Variants in ABAT observed in about 807,000 individuals in gnomAD.
The protein encoded by ABAT is 4-aminobutyrate aminotransferase.
A neutral mutation model predicts 64.6 loss-of-function variants in ABAT; 45 were observed. The ratio of observed to expected loss-of-function variants is 0.70; its 90% CI spans 0.55 to 0.89. The LOEUF is 0.89. Among genes scored for constraint, ABAT ranks in the 40% least tolerant of loss-of-function variants. The pLI is 0.00. For missense variants in ABAT, 633 were observed against 658.4 expected (o/e 0.96, Z 0.42); for synonymous variants, 297 against 250.5 (o/e 1.19, Z -1.75).
At chr16:8,754,004 C>T (rs1330643637) in intron 5 of ABAT, among the ~76,000 whole-genome samples, 2 of 151,966 alleles carry the variant, frequency 1.3e-5, no homozygotes, top group East Asian at 3.9e-4. Context: ...AAGATTGTTC[C>T]TACTGCATTC....
At position 8,735,780 on chromosome 16, in the gene ABAT, T is replaced by C. The variant is rs2058906734; in HGVS notation, c.41T>C (p.Phe14Ser). Residue 14 changes from phenylalanine (F) to serine (S), a missense_variant, in exon 2 of 16, where the codon TTC becomes TCC. Phe to Ser is a radical substitution (Grantham distance 155). Transcript: ENST00000268251. ...MLLAQRLACS[F>S]QHSYRLLVPG... The stretch of plus-strand genomic sequence containing the variant: ...CTCGCCCAGCGCCTGGCCTGCAGCT[T>C]CCAGCACAGCTACCGCCTGCTGGTG... The C allele has an allele frequency of 6.2e-7, 1 of 1,607,874 alleles. No homozygotes were observed. Among genetic ancestry groups the C allele is most frequent in the South Asian group, 1.1e-5 (1 of 89,526 alleles).
intron 1 of ABAT, among the ~76,000 whole-genome samples, chr16:8,680,451 A>C (rs191916788): frequency 5.3e-5 from 8 of 152,124 alleles, no homozygotes; most frequent in Admixed American, 1.3e-4. Flanking sequence ...GGGCAGGGGG[A>C]ATCTTGCTCT....
Position 8,776,520 on chromosome 16 carries a change from C to T in ABAT, c.1269+30C>T. 3 of 1,562,064 alleles carry T rather than the reference C, an allele frequency of 1.9e-6. No individual in the cohort carries two copies. Among genetic ancestry groups the T allele is most frequent in the Non-Finnish European group, 2.6e-6 (3 of 1,153,828 alleles). ...CACCCCCTCCCCTGCCCCGCCCCCA[C>T]CACCCATGGCTCCCCGCAGCAGCCT... is the stretch of plus-strand genomic sequence containing the variant. On this transcript the variant is annotated intron_variant, in intron 14 of 15. Transcript: ENST00000268251. This position sits in a 1 kb window ranked among gnomAD's most constrained non-coding sequence, Gnocchi z 4.4.
intron 1 of ABAT, among the ~76,000 whole-genome samples, chr16:8,676,656 G>C (rs1321205699): frequency 6.6e-6 from 1 of 152,206 alleles, no homozygotes; most frequent in Non-Finnish European, 1.5e-5. Context: ...TAGCTAATAA[G>C]ATCAGTTGCA....
intron 1 of ABAT, among the ~76,000 whole-genome samples, chr16:8,726,660 C>A (rs1338654061): frequency 2.0e-5 from 3 of 152,328 alleles, no homozygotes; most frequent in Middle Eastern, 3.4e-3. Flanking sequence ...CATAGGAGTG[C>A]AGATATCTCT....
Position 8,781,575 on chromosome 16 carries a change from G to T in ABAT, c.*145G>T. The T allele has an allele frequency of 1.5e-5, 11 of 716,620 alleles. No individual in the cohort carries two copies. The highest frequency in any genetic ancestry group is 1.8e-5 in the Non-Finnish European group (8 of 440,834). The allele number at this position is 716,620 out of a possible 1,614,324, so 44.4% of individuals were successfully genotyped here. ...TTGTGGGGAGGGAGCATTTTTGGTG[G>T]TCTTGGGGGAGGGGAGGGGAGGGAA... On this transcript the variant is annotated 3_prime_UTR_variant, in exon 16 of 16. Transcript: ENST00000268251. This position sits in a 1 kb window ranked among gnomAD's most constrained non-coding sequence, Gnocchi z 4.5.
intron 11 of ABAT, among the ~76,000 whole-genome samples, chr16:8,770,168 A>C (rs563972991): frequency 1.3e-5 from 2 of 152,248 alleles, no homozygotes; most frequent in Admixed American, 6.5e-5. Context: ...GATGGAGTCT[A>C]GCTCTGTTGC....
chr16:8,702,497 C>T (rs926118988), intron 1 of ABAT, among the ~76,000 whole-genome samples: 1 of 152,184 alleles, frequency 6.6e-6, no homozygotes, highest in Non-Finnish European at 1.5e-5. Context: ...AAGTAATCCT[C>T]CCGCCTCGGC....
intron 5 of ABAT, among the ~76,000 whole-genome samples, chr16:8,754,485 G>A (rs1322273355): frequency 4.6e-5 from 7 of 152,154 alleles, no homozygotes; most frequent in African/African-American, 1.4e-4. Context: ...CTACTGCAGC[G>A]ATTGCATGTT....
chr16:8,747,033 A>C (rs1237634329), intron 3 of ABAT, among the ~76,000 whole-genome samples: 2 of 152,160 alleles, frequency 1.3e-5, no homozygotes, highest in Non-Finnish European at 2.9e-5. Context: ...GCTTGTCCTC[A>C]TGGCAATGGC....
chr16:8,752,487 G>A (rs74840368), intron 5 of ABAT, among the ~76,000 whole-genome samples: 3,968 of 152,294 alleles, frequency 0.026, 164 homozygotes, highest in African/African-American at 0.09. Flanking sequence ...GGTCGGGCAC[G>A]GTGGAGCACG....
intron 6 of ABAT, among the ~76,000 whole-genome samples, chr16:8,760,688 G>GA (rs989685996): frequency 3.3e-5 from 5 of 152,086 alleles, no homozygotes; most frequent in African/African-American, 9.7e-5. Context: ...AGTTGGTGCT[G>GA]AAAAAAAATG....
intron 5 of ABAT, among the ~76,000 whole-genome samples, chr16:8,754,707 TTTCTTTCTTTCTTTC>T (rs1360701338): frequency 1.9e-4 from 21 of 110,442 alleles, no homozygotes; most frequent in East Asian, 9.0e-4. Flanking sequence ...TCTTTCTTTC[TTTCTTTCTTTCTTTC>T]TTTTTTTTTT....
At chr16:8,754,962 A>C (rs1298850548) in intron 5 of ABAT, among the ~76,000 whole-genome samples, 1 of 151,772 alleles carries the variant, frequency 6.6e-6, no homozygotes, top group Non-Finnish European at 1.5e-5. Flanking sequence ...GAAGTGACCC[A>C]CCTGCCTCGG....
chr16:8,708,943 G>T (rs2058010359), intron 1 of ABAT, among the ~76,000 whole-genome samples: 1 of 152,138 alleles, frequency 6.6e-6, no homozygotes, highest in Non-Finnish European at 1.5e-5. Context: ...GTGTATGTCA[G>T]TCCCACCTGA....
rs746934907 is a variant in ABAT at position 8,764,013 on chromosome 16, G to A, written c.367-56G>A. On this transcript the variant is annotated intron_variant, in intron 6 of 15. Coordinates refer to ENST00000268251, the MANE Select transcript of ABAT (RefSeq NM_020686.6). The surrounding 1 kb of genome is among the most constrained non-coding windows in gnomAD (Gnocchi z 4.2). Reference sequence around the variant, plus strand: ...GGGCTATGAAAAGCACCATTTGTGGGCAGGGAGCTGGGTCAGGCCCCCAGA... The same window carrying A: ...GGGCTATGAAAAGCACCATTTGTGGACAGGGAGCTGGGTCAGGCCCCCAGA... 5.3e-5 allele frequency: 77 copies of A among 1,442,350 alleles called. No individual in the cohort carries two copies. The highest frequency in any genetic ancestry group is 1.7e-4 in the Middle Eastern group (1 of 5,784). 89.3% of individuals were successfully genotyped at this position (1,442,350 alleles called of 1,614,324 possible).
At chr16:8,727,160 G>A (rs1640986) in intron 1 of ABAT, among the ~76,000 whole-genome samples, 147,243 of 152,238 alleles carry the variant, frequency 0.97, 71,281 homozygotes, top group East Asian at 1. Context: ...CGCTTTGTTG[G>A]TTGTATCCTT....
intron 1 of ABAT, among the ~76,000 whole-genome samples, chr16:8,733,410 C>T (rs1337125855): frequency 5.3e-5 from 8 of 151,864 alleles, no homozygotes; most frequent in South Asian, 2.1e-4. Flanking sequence ...CAGAGACGCT[C>T]CTCACTTCCC....
At chr16:8,780,233 C>G (rs74008072) in intron 15 of ABAT, among the ~76,000 whole-genome samples, 1 of 151,954 alleles carries the variant, frequency 6.6e-6, no homozygotes, top group Non-Finnish European at 1.5e-5. Context: ...AGGCCCGGGT[C>G]GCATGGGCCT....
Sources: allele counts gnomAD v4.1 joint callset (sites outside exome capture counted in the v4.1 genomes callset), GRCh38; gene constraint gnomAD v4.1.1; non-coding constraint Gnocchi (gnomAD v3.1); transcripts MANE v1.5; gene names NCBI Gene and HGNC (gene_info 2026-07-23, HGNC 2026-07-21).